Variants in ERICH6 observed in about 807,000 individuals in gnomAD.
ERICH6 encodes glutamate rich 6, also known as glutamate-rich protein 6.
A neutral mutation model predicts 71.0 loss-of-function variants in ERICH6; 71 were observed. The ratio of observed to expected loss-of-function variants is 1.00; its 90% CI spans 0.83 to 1.22. ERICH6 has a LOEUF of 1.22. Ranked by LOEUF, ERICH6 falls within the 50% of genes most tolerant of loss-of-function variation. ERICH6 has a pLI of 0.00. For synonymous variants in ERICH6, 262 were observed against 278.4 expected (o/e 0.94, Z 0.59); for missense variants, 808 against 797.2 (o/e 1.01, Z -0.16).
intron 13 of ERICH6, 77 bp downstream of exon 13, chr3:150,666,710 G>A (rs1576546745): frequency 7.8e-7 from 1 of 1,277,388 alleles, no homozygotes; most frequent in East Asian, 2.5e-5. Context: ...TAATCTATCA[G>A]TAATAATACT....
chr3:150,674,499 T>G (rs1265740339), intron 10 of ERICH6, among the ~76,000 whole-genome samples: 1 of 152,208 alleles, frequency 6.6e-6, no homozygotes, highest in Non-Finnish European at 1.5e-5. Context: ...GTAATAGATC[T>G]TAATTTCTGG....
At chr3:150,675,412 G>A (rs965341647) in intron 10 of ERICH6, among the ~76,000 whole-genome samples, 3 of 152,044 alleles carry the variant, frequency 2.0e-5, no homozygotes, top group Admixed American at 1.3e-4. Context: ...GCAGTGGTAA[G>A]ATCTCAGCTC....
intron 13 of ERICH6, among the ~76,000 whole-genome samples, chr3:150,662,893 CA>C (rs1727274769): frequency 6.6e-6 from 1 of 152,070 alleles, no homozygotes; most frequent in Non-Finnish European, 1.5e-5. Flanking sequence ...GTTGAGGCGA[CA>C]GCAAATGCAA....
intron 12 of ERICH6, 121 bp downstream of exon 12, chr3:150,669,175 A>G (rs928060796): frequency 1.8e-6 from 2 of 1,101,208 alleles, no homozygotes; most frequent in Non-Finnish European, 2.5e-6. Context: ...GAACATTACC[A>G]TCTAAAGAAC....
Position 150,686,300 on chromosome 3 carries a change from C to T in ERICH6, c.608G>A (p.Arg203Lys). Residue 203 changes from arginine to lysine, a missense_variant and splice_region_variant, in exon 4 of 14, where the codon AGA (arginine) becomes AAA (lysine). Physicochemically the swap from Arg to Lys is conservative, Grantham distance 26. Coordinates refer to ENST00000295910, the MANE Select transcript of ERICH6 (RefSeq NM_152394.5). ...GATGATGCCAAACATGTATTTACCT[C>T]TTAACTTAGATGCCAGACATTCAGG... ...AEPECLASKL[R>K]EKWVINPEES... The T allele has an allele frequency of 6.2e-7, 1 of 1,614,128 alleles. No homozygotes were observed. Among genetic ancestry groups the T allele is most frequent in the Non-Finnish European group, 8.5e-7 (1 of 1,180,000 alleles).
At chr3:150,672,956 T>C (rs543656347) in intron 11 of ERICH6, among the ~76,000 whole-genome samples, 1 of 152,058 alleles carries the variant, frequency 6.6e-6, no homozygotes, top group Non-Finnish European at 1.5e-5. Context: ...ACCCAGGAGG[T>C]TGAGGTTGCA....
chr3:150,700,671 C>T (rs1336071123), intron 2 of ERICH6, among the ~76,000 whole-genome samples: 1 of 151,942 alleles, frequency 6.6e-6, no homozygotes, highest in South Asian at 2.1e-4. Flanking sequence ...GCAACCTCCA[C>T]CTCCTGGGTT....
intron 13 of ERICH6, among the ~76,000 whole-genome samples, chr3:150,664,123 G>A (rs1347103156): frequency 6.6e-6 from 1 of 152,032 alleles, no homozygotes; most frequent in Non-Finnish European, 1.5e-5. Context: ...GGGGAGAATA[G>A]TCTTGGAAGC....
intron 13 of ERICH6, among the ~76,000 whole-genome samples, chr3:150,660,401 T>C (rs764672038): frequency 6.6e-6 from 1 of 152,134 alleles, no homozygotes; most frequent in Non-Finnish European, 1.5e-5. Context: ...ATTCAAGTAA[T>C]TTAACCAGCA....
intron 2 of ERICH6, 38 bp downstream of exon 2, chr3:150,702,082 TG>T: frequency 7.6e-7 from 1 of 1,320,278 alleles, no homozygotes; most frequent in Non-Finnish European, 1.1e-6. Flanking sequence ...TAAACATTAT[TG>T]GGTTCAAAAA....
chr3:150,685,633 T>TTC, intron 6 of ERICH6, 109 bp downstream of exon 6: 1 of 217,488 alleles, frequency 4.6e-6, no homozygotes, highest in African/African-American at 2.6e-5. Context: ...GCTCTTTGGC[T>TTC]TTTTTTTTTT....
intron 3 of ERICH6, among the ~76,000 whole-genome samples, chr3:150,689,111 T>G (rs768334603): frequency 6.6e-6 from 1 of 152,194 alleles, no homozygotes; most frequent in Non-Finnish European, 1.5e-5. Context: ...GACAATTTGC[T>G]GAGGCTTGGA....
intron 13 of ERICH6, among the ~76,000 whole-genome samples, chr3:150,661,218 T>A (rs962653874): frequency 1.3e-5 from 2 of 152,114 alleles, no homozygotes; most frequent in African/African-American, 4.8e-5. Context: ...CAAAAACACA[T>A]ATACTCTGAG....
chr3:150,675,790 T>C (rs1373302056), intron 10 of ERICH6, among the ~76,000 whole-genome samples: 3 of 152,060 alleles, frequency 2.0e-5, no homozygotes, highest in African/African-American at 7.2e-5. Flanking sequence ...GCTAATCTAA[T>C]TGTTTTCTTT....
chr3:150,668,026 G>A lies in ERICH6; in HGVS notation c.1500-1011C>T, dbSNP rs568946471. Among the ~76,000 whole-genome samples the A allele has an allele frequency of 1.1e-4, 17 of 152,228 alleles. No individual in the cohort carries two copies. The South Asian group carries it at 3.1e-3, about 28-fold the overall frequency. ...GAGTATATACATAGTAGGTTAAATTGGACCCAGTATTGATCAGTGGTAGTA... is the reference window on the plus strand; with the variant it reads ...GAGTATATACATAGTAGGTTAAATTAGACCCAGTATTGATCAGTGGTAGTA... On this transcript the variant is annotated intron_variant, in intron 12 of 13. Coordinates refer to ENST00000295910, the MANE Select transcript of ERICH6 (RefSeq NM_152394.5).
rs1289856842 is a variant in ERICH6, at chr3:150,703,805, C to A, written c.94G>T (p.Glu32Ter). 3 of 1,570,264 alleles carry A rather than the reference C, an allele frequency of 1.9e-6. No individual in the cohort carries two copies. Among genetic ancestry groups the A allele is most frequent in the Admixed American group, 3.5e-5 (2 of 57,742 alleles). The change falls in exon 1 of 14, where the codon GAA (glutamate) becomes TAA (stop). Residue 32 changes from glutamate to a stop codon, truncating the protein, a stop_gained. Coordinates refer to ENST00000295910, the MANE Select transcript of ERICH6 (RefSeq NM_152394.5). LOFTEE classifies it high-confidence loss of function. ...EEELEEEEEEEEVEEEEEEVE... is the reference protein window; with the variant it reads ...EEELEEEEEE The stretch of plus-strand genomic sequence containing the variant: ...TCTTCCTCCTCCTCCTCCACCTCTT[C>A]CTCCTCCTCCTCCTCCTCTAACTCC...
chr3:150,674,042 C>G lies in ERICH6; in HGVS notation c.1258-1G>C, dbSNP rs530487741. 4.0e-5 allele frequency: 64 copies of G among 1,612,202 alleles called. 2 individuals are homozygous for G. The South Asian group carries it at 5.7e-4, about 14-fold the overall frequency. On this transcript the variant is annotated splice_acceptor_variant, in intron 10 of 13. Coordinates refer to ENST00000295910, the MANE Select transcript of ERICH6 (RefSeq NM_152394.5). LOFTEE classifies it high-confidence loss of function. ...TCTCTAAGAGCTCATTCCTGACAAC[C>G]TATACACCACAGAAAAGAAAAGACA... is the stretch of plus-strand genomic sequence containing the variant.
At chr3:150,699,885 A>G (rs1211890605) in intron 2 of ERICH6, among the ~76,000 whole-genome samples, 2 of 151,982 alleles carry the variant, frequency 1.3e-5, no homozygotes, top group Non-Finnish European at 2.9e-5. Flanking sequence ...TCCTGAAGAT[A>G]CTGAAAATAC....
chr3:150,680,227 C>T (rs1469277274), intron 9 of ERICH6, among the ~76,000 whole-genome samples: 1 of 152,124 alleles, frequency 6.6e-6, no homozygotes, highest in Non-Finnish European at 1.5e-5. Context: ...TTTTTCAATA[C>T]TACTACTTAT....
Sources: gnomAD v4.1 joint callset for allele counts (sites outside exome capture counted in the v4.1 genomes callset) on GRCh38, gnomAD v4.1.1 for gene constraint, MANE v1.5 for transcripts, NCBI Gene and HGNC (gene_info 2026-07-23, HGNC 2026-07-21) for gene names.